PTPRN2: variants seen among roughly 807,000 people sequenced by gnomAD.
PTPRN2 encodes receptor-type tyrosine-protein phosphatase N2.
Under a neutral mutation model 118.8 loss-of-function variants are expected in PTPRN2, and 74 were observed. The ratio of observed to expected loss-of-function variants is 0.62; its 90% CI spans 0.52 to 0.76. The LOEUF is 0.76. Ranked by LOEUF, PTPRN2 falls within the 30% of genes least tolerant of loss-of-function variation. The probability of loss-of-function intolerance (pLI) is 0.00; values close to 1 mark genes in which losing one functional copy is unlikely to be tolerated. For missense variants in PTPRN2, 1,481 were observed against 1,394.4 expected, an observed-to-expected ratio of 1.06 and a Z score of -0.99; for synonymous variants, 641 against 608.0, an observed-to-expected ratio of 1.05 and a Z score of -0.80.
intron 11 of PTPRN2, among the ~76,000 whole-genome samples, chr7:158,073,738 G>A (rs566089787): frequency 1.3e-5 from 2 of 152,296 alleles, no homozygotes; most frequent in South Asian, 4.1e-4. Flanking sequence ...CAGAGGTGAG[G>A]GAAAGAGTGG....
At chr7:158,162,375 T>C (rs1822436921) in intron 6 of PTPRN2, among the ~76,000 whole-genome samples, 1 of 152,172 alleles carries the variant, frequency 6.6e-6, no homozygotes, top group Non-Finnish European at 1.5e-5. Context: ...CTGTGGCCCA[T>C]CTATACAATG....
chr7:158,106,290 C>G (rs1815674969), intron 10 of PTPRN2, among the ~76,000 whole-genome samples: 2 of 152,132 alleles, frequency 1.3e-5, no homozygotes, highest in African/African-American at 2.4e-5. Flanking sequence ...CATTTTTATC[C>G]TTATTCCTTA....
chr7:158,163,318 G>C (rs112984131), intron 6 of PTPRN2, among the ~76,000 whole-genome samples: 124 of 150,512 alleles, frequency 8.2e-4, no homozygotes, highest in African/African-American at 2.8e-3. Flanking sequence ...ATACCTGCAC[G>C]GGGTTCTCAA....
rs1563245599 is a variant in PTPRN2, at chr7:157,595,590, T to TGGA, written c.2419-276_2419-275insTCC. On this transcript the variant is annotated intron_variant, in intron 16 of 22. Transcript: ENST00000389418. ...TAGGAAGCCAGGAGGTTAGGAAGCCTGGTGTTTAGGAAGCCCGGAGGTTAG... is the reference window on the plus strand; with the variant it reads ...TAGGAAGCCAGGAGGTTAGGAAGCCTGGAGGTGTTTAGGAAGCCCGGAGGTTAG... 1.6e-3 allele frequency among the ~76,000 whole-genome samples: 147 copies of TGGA among 91,098 alleles called. 4 individuals are homozygous for TGGA. The highest frequency in any genetic ancestry group is 8.8e-3 in the African/African-American group (141 of 16,066). The allele number at this position is 91,098 out of a possible 152,430, so 59.8% of individuals were successfully genotyped here. A position where few individuals can be genotyped will look rare whatever the true frequency, so the allele number is the denominator to read the frequency against.
In PTPRN2 at chr7:158,166,955, C is replaced by T. The variant is rs781736208; in HGVS notation, c.886G>A (p.Glu296Lys). The T allele has an allele frequency of 5.7e-5, 83 of 1,444,930 alleles. No homozygotes were observed. Among genetic ancestry groups the T allele is most frequent in the South Asian group, 9.0e-5 (6 of 66,612 alleles). 89.5% of individuals were successfully genotyped at this position (1,444,930 alleles called of 1,614,324 possible). ...QKWPSPLGDSEDPSSTGDGAR... is the reference protein window; with the variant it reads ...QKWPSPLGDSKDPSSTGDGAR... The stretch of plus-strand genomic sequence containing the variant: ...CCATCGCCTGTGCTGGAGGGGTCTT[C>T]GGAATCTCCCAGAGGTGAAGGCCAC... Residue 296 changes from glutamate (E) to lysine (K), a missense_variant, in exon 6 of 23, where the codon GAA becomes AAA. By Grantham distance (56) the Glu-to-Lys change is moderately conservative. Around this residue, in one of 3 missense-constraint regions of PTPRN2, gnomAD observed 1,115 missense variants for 994.2 expected, o/e 1.12. Transcript: ENST00000389418.
chr7:158,125,997 TC>T (rs1363708433), intron 9 of PTPRN2, among the ~76,000 whole-genome samples: 1 of 151,834 alleles, frequency 6.6e-6, no homozygotes, highest in Non-Finnish European at 1.5e-5. Context: ...GAACTTCCTC[TC>T]CACCACACCA....
chr7:158,510,767 T>C (rs540402336), intron 1 of PTPRN2, among the ~76,000 whole-genome samples: 1 of 152,276 alleles, frequency 6.6e-6, no homozygotes, highest in South Asian at 2.1e-4. Flanking sequence ...CGGATGTGAA[T>C]GTAAAGAATA....
At chr7:158,054,445 G>C (rs532846281) in intron 11 of PTPRN2, among the ~76,000 whole-genome samples, 156 of 152,330 alleles carry the variant, frequency 1.0e-3, no homozygotes, top group Middle Eastern at 3.4e-3. Flanking sequence ...AGGAAGACAC[G>C]AAGGAAAAAC....
At chr7:158,493,352 C>G (rs563621968) in intron 1 of PTPRN2, among the ~76,000 whole-genome samples, 85 of 150,710 alleles carry the variant, frequency 5.6e-4, no homozygotes, top group Non-Finnish European at 1.1e-3. Flanking sequence ...CATACACACA[C>G]GCACACCTGC....
At chr7:157,566,437 G>T (rs1309659359) in intron 21 of PTPRN2, among the ~76,000 whole-genome samples, 1 of 152,228 alleles carries the variant, frequency 6.6e-6, no homozygotes, top group African/African-American at 2.4e-5. Context: ...GCCTCTCAGT[G>T]TGGAGGCCTG....
intron 2 of PTPRN2, among the ~76,000 whole-genome samples, chr7:158,407,000 G>A (rs1368827391): frequency 3.9e-5 from 6 of 152,186 alleles, no homozygotes; most frequent in Non-Finnish European, 7.3e-5. Context: ...TGAACAATGA[G>A]CAAGGCTGAG....
rs75188600 is a variant in PTPRN2 at position 158,488,304 on chromosome 7, C to T, written c.163+1431G>A. Among the ~76,000 whole-genome samples the T allele has an allele frequency of 7.4e-3, 1,121 of 152,256 alleles. 17 individuals are homozygous for T. The highest frequency in any genetic ancestry group is 0.026 in the African/African-American group (1,063 of 41,552). ...TAGGCTGGGCCAGAACCTCACCCACCACCCACACTGCACCCCACGAGCTGC... is the reference window on the plus strand; with the variant it reads ...TAGGCTGGGCCAGAACCTCACCCACTACCCACACTGCACCCCACGAGCTGC... On this transcript the variant is annotated intron_variant, in intron 2 of 22. Coordinates refer to ENST00000389418, the MANE Select transcript of PTPRN2 (RefSeq NM_002847.5).
Position 158,022,087 on chromosome 7 carries a change from A to C in PTPRN2, c.1723+59211T>G, listed in dbSNP as rs532830508. Among the ~76,000 whole-genome samples the C allele has an allele frequency of 1.4e-4, 22 of 152,254 alleles. No individual in the cohort carries two copies. Among genetic ancestry groups the C allele is most frequent in the African/African-American group, 4.6e-4 (19 of 41,552 alleles). ...GCCAGATGGGTGACAGGTCCCCAGA[A>C]GCTTCGGTCTTGGGCTTGTCCTGGT... On this transcript the variant is annotated intron_variant, in intron 11 of 22. Transcript: ENST00000389418. The surrounding 1 kb of genome is among the most constrained non-coding windows in gnomAD (Gnocchi z 4.6).
At chr7:158,279,066 C>CA (rs1225207436) in intron 3 of PTPRN2, among the ~76,000 whole-genome samples, 1 of 152,016 alleles carries the variant, frequency 6.6e-6, no homozygotes, top group Non-Finnish European at 1.5e-5. Flanking sequence ...CTGTGAACAG[C>CA]AAAAAAACAA....
chr7:158,406,678 C>T (rs1256796229), intron 2 of PTPRN2, among the ~76,000 whole-genome samples: 1 of 152,244 alleles, frequency 6.6e-6, no homozygotes, highest in Admixed American at 6.5e-5. Flanking sequence ...TGAGACCTGC[C>T]CTGTTCACAC....
At chr7:158,393,804 A>T (rs11760750) in intron 2 of PTPRN2, among the ~76,000 whole-genome samples, 69,647 of 151,836 alleles carry the variant, frequency 0.46, 16,618 homozygotes, top group Non-Finnish European at 0.51. Context: ...ATGATGGAAC[A>T]TCACTCAGGG....
intron 20 of PTPRN2, among the ~76,000 whole-genome samples, chr7:157,570,648 G>C (rs1220239542): frequency 1.3e-5 from 2 of 152,136 alleles, no homozygotes; most frequent in African/African-American, 4.8e-5. Context: ...ACGTACTTAG[G>C]GATATGAGTC....
chr7:157,899,577 G>A (rs1311046342), intron 11 of PTPRN2, among the ~76,000 whole-genome samples: 1 of 152,186 alleles, frequency 6.6e-6, no homozygotes, highest in Non-Finnish European at 1.5e-5. Context: ...CCTTGCAATT[G>A]TGATTAATAC....
chr7:158,305,214 A>T (rs1801193756), intron 3 of PTPRN2, among the ~76,000 whole-genome samples: 1 of 152,214 alleles, frequency 6.6e-6, no homozygotes, highest in Admixed American at 6.5e-5. Context: ...GGGTCCATTC[A>T]GCTGGCTGGG....
Sources: allele counts gnomAD v4.1 joint callset (sites outside exome capture counted in the v4.1 genomes callset), GRCh38; gene constraint gnomAD v4.1.1; regional missense constraint gnomAD v4.1.1; non-coding constraint Gnocchi (gnomAD v3.1); transcripts MANE v1.5; gene names NCBI Gene and HGNC (gene_info 2026-07-23, HGNC 2026-07-21).